The following PTPRG variants were observed in gnomAD, a reference collection of about 807,000 sequenced individuals.
PTPRG encodes the protein protein tyrosine phosphatase receptor type G, also known as receptor-type tyrosine-protein phosphatase gamma.
PTPRG carries 102 observed loss-of-function variants against 165.3 expected under a neutral mutation model. The observed-to-expected ratio is 0.62, with a 90% CI of 0.53 to 0.73. PTPRG has a LOEUF of 0.73. Among genes scored for constraint, PTPRG ranks in the 30% least tolerant of loss-of-function variants. The pLI is 0.00. For synonymous variants in PTPRG, 675 were observed against 669.5 expected (o/e 1.01, Z -0.13); for missense variants, 1,866 against 1,861.4 (o/e 1.00, Z -0.05).
chr3:62,013,033 A>T (rs1213262418), intron 4 of PTPRG, among the ~76,000 whole-genome samples: 1 of 152,178 alleles, frequency 6.6e-6, no homozygotes, highest in African/African-American at 2.4e-5. Context: ...CCTCCTTAAA[A>T]GAGGTAAAAA....
chr3:61,871,370 G>A (rs1282285157), intron 2 of PTPRG, among the ~76,000 whole-genome samples: 2 of 152,052 alleles, frequency 1.3e-5, no homozygotes, highest in African/African-American at 4.8e-5. Flanking sequence ...TGGGACCAAG[G>A]CACATGTCAC....
At chr3:61,649,651 G>T (rs1702295724) in intron 1 of PTPRG, among the ~76,000 whole-genome samples, 1 of 152,172 alleles carries the variant, frequency 6.6e-6, no homozygotes, top group Non-Finnish European at 1.5e-5. Flanking sequence ...GAGACATGCA[G>T]GCTTCAAATC....
At chr3:61,819,855 G>C (rs1411792992) in intron 2 of PTPRG, among the ~76,000 whole-genome samples, 4 of 152,196 alleles carry the variant, frequency 2.6e-5, no homozygotes, top group African/African-American at 9.6e-5. Context: ...ATCTTAATGT[G>C]TATGGCCCTT....
chr3:62,096,454 A>G (rs1384036168), intron 5 of PTPRG, among the ~76,000 whole-genome samples: 2 of 152,098 alleles, frequency 1.3e-5, no homozygotes, highest in East Asian at 1.9e-4. Context: ...TATGTGTGTT[A>G]TGTGAGTGTA....
At position 62,271,151 on chromosome 3, in the gene PTPRG, G is replaced by C. The variant is rs1035648230; in HGVS notation, c.3010-232G>C. Among the ~76,000 whole-genome samples the C allele has an allele frequency of 6.6e-6, 1 of 152,172 alleles. No individual in the cohort carries two copies. Among genetic ancestry groups the C allele is most frequent in the Non-Finnish European group, 1.5e-5 (1 of 68,032 alleles). The stretch of plus-strand genomic sequence containing the variant: ...AACTGATACTAAATGTTCATTCTTA[G>C]TACAATCTTAAACAGTCTTCTCTTC... On this transcript the variant is annotated intron_variant, in intron 20 of 29. Transcript: ENST00000474889. This position sits in a 1 kb window ranked among gnomAD's most constrained non-coding sequence, Gnocchi z 4.1.
At chr3:62,265,615 C>G (rs1047593265) in intron 17 of PTPRG, among the ~76,000 whole-genome samples, 1 of 151,914 alleles carries the variant, frequency 6.6e-6, no homozygotes, top group Middle Eastern at 3.2e-3. Context: ...ATTGTTTGTT[C>G]TACTTTTCTG....
At chr3:62,120,927 GGGAGAAAGAATGGCTTATAGCTATA>G in intron 5 of PTPRG, among the ~76,000 whole-genome samples, 1 of 151,980 alleles carries the variant, frequency 6.6e-6, no homozygotes, top group Admixed American at 6.6e-5. Flanking sequence ...CTGCTTATTT[GGGAGAAAGAATGGCTTATAGCTATA>G]GGTTTTTTTT....
At chr3:62,167,068 C>T (rs114441990) in intron 7 of PTPRG, among the ~76,000 whole-genome samples, 4,184 of 152,148 alleles carry the variant, frequency 0.027, 116 homozygotes, top group African/African-American at 0.076. Flanking sequence ...ATCGGCAGTC[C>T]TGTAAGAGAT....
At chr3:62,056,378 G>T (rs565106981) in intron 4 of PTPRG, among the ~76,000 whole-genome samples, 49 of 152,236 alleles carry the variant, frequency 3.2e-4, no homozygotes, top group African/African-American at 1.2e-3. Flanking sequence ...TTTGAATGTG[G>T]CCCAACACAA....
chr3:62,176,160 C>T (rs1340952615), intron 8 of PTPRG, among the ~76,000 whole-genome samples: 1 of 151,968 alleles, frequency 6.6e-6, no homozygotes, highest in African/African-American at 2.4e-5. Context: ...ATGGAAATAT[C>T]GCAGGTTGGA....
chr3:61,991,360 A>C (rs33081), intron 3 of PTPRG, among the ~76,000 whole-genome samples: 145,623 of 152,244 alleles, frequency 0.96, 69,731 homozygotes, highest in African/African-American at 0.99. Flanking sequence ...CATGTGCCAC[A>C]ACCCCCAGCT....
intron 4 of PTPRG, among the ~76,000 whole-genome samples, chr3:62,072,304 A>G (rs1214895253): frequency 6.6e-6 from 1 of 152,140 alleles, no homozygotes; most frequent in Admixed American, 6.5e-5. Flanking sequence ...TTCCTGGTCG[A>G]TGATGATGCT....
chr3:61,765,992 G>A (rs2106993824), intron 2 of PTPRG, among the ~76,000 whole-genome samples: 1 of 152,230 alleles, frequency 6.6e-6, no homozygotes, highest in Non-Finnish European at 1.5e-5. Context: ...TTTCTCTATT[G>A]AAACCCAATT....
chr3:62,142,478 C>G (rs1262567989), intron 6 of PTPRG, among the ~76,000 whole-genome samples: 1 of 151,992 alleles, frequency 6.6e-6, no homozygotes, highest in East Asian at 1.9e-4. Flanking sequence ...GTTTTGCACG[C>G]CTTTCTGCAT....
At chr3:61,895,802 A>G (rs911745375) in intron 2 of PTPRG, among the ~76,000 whole-genome samples, 2 of 152,138 alleles carry the variant, frequency 1.3e-5, no homozygotes, top group Non-Finnish European at 1.5e-5. Flanking sequence ...TGAAAGTGAT[A>G]CCATTTATAT....
At chr3:61,895,502 A>G (rs919188933) in intron 2 of PTPRG, among the ~76,000 whole-genome samples, 1 of 152,192 alleles carries the variant, frequency 6.6e-6, no homozygotes, top group African/African-American at 2.4e-5. Flanking sequence ...GTAAAATCGC[A>G]TGCTGTGCAT....
intron 4 of PTPRG, 63 bp from the exon 5 acceptor site, chr3:62,078,100 T>G: frequency 1.8e-6 from 2 of 1,126,774 alleles, no homozygotes; most frequent in Non-Finnish European, 1.3e-6. Context: ...ATGGTACTAT[T>G]CTCTCAACTT....
At chr3:61,699,095 C>T (rs967970932) in intron 1 of PTPRG, among the ~76,000 whole-genome samples, 1 of 152,074 alleles carries the variant, frequency 6.6e-6, no homozygotes, top group Non-Finnish European at 1.5e-5. Context: ...GGGTGCAGCA[C>T]AGCAACATGG....
At chr3:62,109,916 C>G (rs1702606995) in intron 5 of PTPRG, among the ~76,000 whole-genome samples, 2 of 152,098 alleles carry the variant, frequency 1.3e-5, no homozygotes, top group South Asian at 4.1e-4. Context: ...TGGGCCATTC[C>G]TATAAACCAT....
Sources: gnomAD v4.1 joint callset for allele counts (sites outside exome capture counted in the v4.1 genomes callset) on GRCh38, gnomAD v4.1.1 for gene constraint, Gnocchi (gnomAD v3.1) non-coding constraint, MANE v1.5 for transcripts, NCBI Gene and HGNC (gene_info 2026-07-23, HGNC 2026-07-21) for gene names.